XYLT1: variants seen among roughly 807,000 people sequenced by gnomAD.
XYLT1 encodes xylosyltransferase 1, also known as beta-D-xylosyltransferase 1.
A neutral mutation model predicts 91.3 loss-of-function variants in XYLT1; 36 were observed. That is an observed-to-expected ratio of 0.39 (90% CI 0.30 to 0.52). XYLT1 has a LOEUF of 0.52. Ranked by LOEUF, XYLT1 falls within the 20% of genes least tolerant of loss-of-function variation. The probability of loss-of-function intolerance (pLI) is 0.68; values close to 1 mark genes in which losing one functional copy is unlikely to be tolerated. For missense variants in XYLT1, 1,242 were observed against 1,284.5 expected (o/e 0.97, Z 0.51); for synonymous variants, 588 against 532.0 (o/e 1.11, Z -1.45).
intron 9 of XYLT1, among the ~76,000 whole-genome samples, chr16:17,128,492 A>G (rs2030342619): frequency 6.6e-6 from 1 of 152,208 alleles, no homozygotes; most frequent in Non-Finnish European, 1.5e-5. Flanking sequence ...AACATCTTTG[A>G]GCAAAACCTT....
At chr16:17,338,308 C>T (rs1196018183) in intron 2 of XYLT1, 2 of 456,390 alleles carry the variant, frequency 4.4e-6, no homozygotes, top group Non-Finnish European at 8.8e-6. Flanking sequence ...CCATTACCTA[C>T]ACGATACATC....
intron 3 of XYLT1, among the ~76,000 whole-genome samples, chr16:17,249,509 A>G (rs1324152498): frequency 6.6e-6 from 1 of 152,240 alleles, no homozygotes; most frequent in Non-Finnish European, 1.5e-5. Flanking sequence ...CAGCCTCTCA[A>G]TAAATATTAA....
intron 2 of XYLT1, among the ~76,000 whole-genome samples, chr16:17,296,338 G>A (rs2034310454): frequency 6.6e-6 from 1 of 152,162 alleles, no homozygotes; most frequent in East Asian, 1.9e-4. Flanking sequence ...TGCAGAGATG[G>A]GGCTGGGGCT....
intron 2 of XYLT1, among the ~76,000 whole-genome samples, chr16:17,266,342 G>A (rs891097307): frequency 1.3e-5 from 2 of 152,132 alleles, no homozygotes; most frequent in Non-Finnish European, 1.5e-5. Flanking sequence ...TGCCTGACAC[G>A]TCCAAAGTGC....
chr16:17,327,832 G>A (rs765656282), intron 2 of XYLT1, among the ~76,000 whole-genome samples: 4 of 151,936 alleles, frequency 2.6e-5, no homozygotes, highest in Non-Finnish European at 5.9e-5. Flanking sequence ...AACCTTTTCT[G>A]TGCTAACATC....
At chr16:17,173,615 G>A (rs1442411034) in intron 5 of XYLT1, among the ~76,000 whole-genome samples, 1 of 152,252 alleles carries the variant, frequency 6.6e-6, no homozygotes, top group African/African-American at 2.4e-5. Flanking sequence ...CAATCTCCGA[G>A]TCTGTGCCAG....
intron 2 of XYLT1, among the ~76,000 whole-genome samples, chr16:17,340,433 G>A (rs1000177590): frequency 2.6e-5 from 4 of 152,242 alleles, no homozygotes; most frequent in Non-Finnish European, 5.9e-5. Flanking sequence ...AGAGCGCCAT[G>A]CCTGTGTTCA....
At chr16:17,216,451 T>A (rs1237215396) in intron 3 of XYLT1, among the ~76,000 whole-genome samples, 2 of 152,200 alleles carry the variant, frequency 1.3e-5, no homozygotes, top group African/African-American at 2.4e-5. Context: ...TATGGGCCAT[T>A]AACGCTGCCT....
chr16:17,365,073 A>C (rs568674814), intron 1 of XYLT1, among the ~76,000 whole-genome samples: 29 of 152,312 alleles, frequency 1.9e-4, no homozygotes, highest in African/African-American at 6.7e-4. Flanking sequence ...TGCATGCGTG[A>C]AACTCTTAAG....
chr16:17,183,799 G>A (rs2032120676), intron 5 of XYLT1, among the ~76,000 whole-genome samples: 1 of 152,138 alleles, frequency 6.6e-6, no homozygotes, highest in Admixed American at 6.5e-5. Context: ...CAGGGTGGGA[G>A]CAAGGGAGAG....
intron 9 of XYLT1, among the ~76,000 whole-genome samples, chr16:17,130,007 T>C (rs1258427323): frequency 1.3e-5 from 2 of 152,252 alleles, no homozygotes; most frequent in Admixed American, 6.5e-5. Flanking sequence ...GGCCTCAAGA[T>C]GCCTTGCACA....
chr16:17,246,419 A>G (rs2033436608), intron 3 of XYLT1, among the ~76,000 whole-genome samples: 1 of 152,294 alleles, frequency 6.6e-6, no homozygotes, highest in African/African-American at 2.4e-5. Flanking sequence ...ATTTTCCTTT[A>G]TCTCTGGAGA....
chr16:17,301,548 G>T lies in XYLT1; in HGVS notation c.403-42050C>A, dbSNP rs184717343. Among the ~76,000 whole-genome samples, 13 of 152,210 alleles carry T rather than the reference G, an allele frequency of 8.5e-5. No homozygotes were observed. The South Asian group carries it at 1.9e-3, about 22-fold the overall frequency. On this transcript the variant is annotated intron_variant, in intron 2 of 11. Coordinates refer to ENST00000261381, the MANE Select transcript of XYLT1 (RefSeq NM_022166.4). ...ATATTAAATTAAATTTTTCTTCTTG[G>T]GAGGGTGATAATGAAAGAAAGTAAT...
chr16:17,222,378 C>T (rs974404383), intron 3 of XYLT1, among the ~76,000 whole-genome samples: 1 of 152,164 alleles, frequency 6.6e-6, no homozygotes, highest in African/African-American at 2.4e-5. Flanking sequence ...AAACGTCCCA[C>T]CATGTACGGG....
chr16:17,379,725 G>GATAT (rs1491322113), intron 1 of XYLT1, among the ~76,000 whole-genome samples: 1 of 128,438 alleles, frequency 7.8e-6, no homozygotes, highest in Admixed American at 8.4e-5. Flanking sequence ...TGAAATGAAG[G>GATAT]ATATCTCTCT....
chr16:17,106,497 G>T lies in XYLT1; in HGVS notation c.*2198C>A, dbSNP rs1229575786. 1 of 152,240 alleles carries T rather than the reference G, an allele frequency of 6.6e-6. No individual in the cohort carries two copies. The highest frequency in any genetic ancestry group is 2.4e-5 in the African/African-American group (1 of 41,446). 9.4% of individuals were successfully genotyped at this position (152,240 alleles called of 1,614,324 possible). A position where few individuals can be genotyped will look rare whatever the true frequency, so the allele number is the denominator to read the frequency against. On this transcript the variant is annotated 3_prime_UTR_variant, in exon 12 of 12. Transcript: ENST00000261381. ...GGCTATCTCCCGGACTCTGCTGCCT[G>T]GATCTGACGACCCTCCTCCTAAGAT... is the stretch of plus-strand genomic sequence containing the variant.
At chr16:17,436,517 G>GA (rs2036461412) in intron 1 of XYLT1, among the ~76,000 whole-genome samples, 1 of 152,236 alleles carries the variant, frequency 6.6e-6, no homozygotes, top group Admixed American at 6.5e-5. Context: ...CAGCATTGGT[G>GA]AAACTGAATT....
chr16:17,233,798 C>T (rs1342991185), intron 3 of XYLT1, among the ~76,000 whole-genome samples: 1 of 152,212 alleles, frequency 6.6e-6, no homozygotes, highest in Non-Finnish European at 1.5e-5. Context: ...TACCTGCCTA[C>T]TCCAGGCATT....
At chr16:17,208,349 A>T (rs920911031) in intron 3 of XYLT1, among the ~76,000 whole-genome samples, 1 of 152,152 alleles carries the variant, frequency 6.6e-6, no homozygotes, top group African/African-American at 2.4e-5. Context: ...TTAAAAAAAA[A>T]AAAAAGTTGT....
Sources: gnomAD v4.1 joint callset for allele counts (sites outside exome capture counted in the v4.1 genomes callset) on GRCh38, gnomAD v4.1.1 for gene constraint, MANE v1.5 for transcripts, NCBI Gene and HGNC (gene_info 2026-07-23, HGNC 2026-07-21) for gene names.